CHD6: variants seen among roughly 807,000 people sequenced by gnomAD.
CHD6 encodes the protein ATP-dependent chromatin remodeler CHD6.
Under a neutral mutation model 276.9 loss-of-function variants are expected in CHD6, and 50 were observed. The observed-to-expected ratio is 0.18, with a 90% CI of 0.14 to 0.23. The LOEUF (loss-of-function observed/expected upper bound fraction) is 0.23. Ranked by LOEUF, CHD6 falls within the 10% of genes least tolerant of loss-of-function variation. The probability of loss-of-function intolerance (pLI) is 1.00; values close to 1 mark genes in which losing one functional copy is unlikely to be tolerated. For missense variants in CHD6, 2,564 were observed against 3,365.8 expected (o/e 0.76, Z 5.89); for synonymous variants, 1,173 against 1,229.3 (o/e 0.95, Z 0.96).
chr20:41,447,805 CA>C, intron 24 of CHD6, 76 bp downstream of exon 24: 1 of 1,038,020 alleles, frequency 9.6e-7, no homozygotes, highest in South Asian at 1.5e-5. Flanking sequence ...TAAGCACAGG[CA>C]AGTTTGGCCA....
intron 1 of CHD6, among the ~76,000 whole-genome samples, chr20:41,572,335 T>C (rs1483460875): frequency 6.6e-6 from 1 of 152,204 alleles, no homozygotes; most frequent in Non-Finnish European, 1.5e-5. Context: ...GTGTTCTGCC[T>C]ACCACATGCA....
intron 1 of CHD6, among the ~76,000 whole-genome samples, chr20:41,583,276 GC>G (rs2045559721): frequency 6.6e-6 from 1 of 151,986 alleles, no homozygotes; most frequent in South Asian, 2.1e-4. Context: ...CTTAAATGCA[GC>G]CAGAGGGAGG....
intron 16 of CHD6, among the ~76,000 whole-genome samples, chr20:41,475,866 C>T (rs533214297): frequency 6.6e-6 from 1 of 152,256 alleles, no homozygotes; most frequent in Admixed American, 6.5e-5. Flanking sequence ...CTAGGGAAAC[C>T]GTTCCCATAA....
In CHD6 at chr20:41,501,500, T is replaced by C. The variant is rs147376524; in HGVS notation, c.853-2143A>G. Among the ~76,000 whole-genome samples, 87 of 152,318 alleles carry C rather than the reference T, an allele frequency of 5.7e-4. No individual in the cohort carries two copies. In the East Asian group the frequency reaches 0.013, roughly 22 times the overall value. On this transcript the variant is annotated intron_variant, in intron 5 of 36. Coordinates refer to ENST00000373233, the MANE Select transcript of CHD6 (RefSeq NM_032221.5). ...CATGTAAATGGAATCATACAGTATG[T>C]AGTTCATTCTTTTTTAACACTGTGA...
intron 2 of CHD6, among the ~76,000 whole-genome samples, chr20:41,533,794 G>A (rs546548439): frequency 3.3e-5 from 5 of 152,252 alleles, no homozygotes; most frequent in Admixed American, 2.0e-4. Flanking sequence ...TACTAAATCA[G>A]GATCATTCAA....
intron 12 of CHD6, among the ~76,000 whole-genome samples, chr20:41,489,381 T>C (rs554849787): frequency 3.3e-5 from 5 of 152,180 alleles, no homozygotes; most frequent in South Asian, 4.1e-4. Context: ...TTTATCCTTC[T>C]CTGTCAAATC....
Position 41,413,321 on chromosome 20 carries a change from T to C in CHD6, c.7131+3A>G, listed in dbSNP as rs2046897937. 1 of 1,590,472 alleles carries C rather than the reference T, an allele frequency of 6.3e-7. No individual in the cohort carries two copies. The highest frequency in any genetic ancestry group is 1.1e-5 in the South Asian group (1 of 87,354). ...ATCTCAGGCAGTACCAACAAACACT[T>C]ACTGCCCCAAAGCCAGGAACTTCTA... On this transcript the variant is annotated splice_donor_region_variant and intron_variant, in intron 35 of 36. Transcript: ENST00000373233.
chr20:41,587,608 A>C (rs555995771), intron 1 of CHD6, among the ~76,000 whole-genome samples: 1 of 152,342 alleles, frequency 6.6e-6, no homozygotes, highest in Non-Finnish European at 1.5e-5. Flanking sequence ...GCAAAAGTAA[A>C]GTTCTCTCTG....
intron 1 of CHD6, among the ~76,000 whole-genome samples, chr20:41,554,053 G>A (rs562812592): frequency 9.2e-5 from 14 of 152,254 alleles, no homozygotes; most frequent in Non-Finnish European, 8.8e-5. Flanking sequence ...GGGAGGCTAA[G>A]GTAGGAGGAT....
At chr20:41,467,808 TAAA>T (rs11470704) in intron 17 of CHD6, among the ~76,000 whole-genome samples, 114 of 138,036 alleles carry the variant, frequency 8.3e-4, no homozygotes, top group African/African-American at 1.4e-3. Flanking sequence ...AGAAAGGAGT[TAAA>T]AAAAAAAAAA....
chr20:41,559,147 G>GAC (rs58169591), intron 1 of CHD6, among the ~76,000 whole-genome samples: 13,533 of 148,156 alleles, frequency 0.091, 606 homozygotes, highest in Admixed American at 0.13. Flanking sequence ...GCCTGTTCCT[G>GAC]ACACACACAC....
chr20:41,449,446 G>A (rs2048170351), intron 23 of CHD6, among the ~76,000 whole-genome samples: 2 of 152,134 alleles, frequency 1.3e-5, no homozygotes, highest in Non-Finnish European at 1.5e-5. Context: ...ATGTGTTGAC[G>A]TCTAACAATA....
intron 17 of CHD6, among the ~76,000 whole-genome samples, chr20:41,469,256 C>T (rs1460073755): frequency 1.3e-5 from 2 of 152,154 alleles, no homozygotes; most frequent in African/African-American, 4.8e-5. Context: ...TGAATTCTGC[C>T]TTCAGGGACC....
At chr20:41,468,292 T>C (rs1046845797) in intron 17 of CHD6, among the ~76,000 whole-genome samples, 4 of 152,086 alleles carry the variant, frequency 2.6e-5, no homozygotes, top group Non-Finnish European at 4.4e-5. Flanking sequence ...GTATTTTTAG[T>C]AGAGACAGCA....
intron 1 of CHD6, among the ~76,000 whole-genome samples, chr20:41,603,123 T>A (rs2045790087): frequency 6.6e-6 from 1 of 151,000 alleles, no homozygotes; most frequent in Non-Finnish European, 1.5e-5. Context: ...GAGGCCAAGG[T>A]GGGTGGATCA....
At chr20:41,586,577 G>T (rs2045597635) in intron 1 of CHD6, among the ~76,000 whole-genome samples, 1 of 152,170 alleles carries the variant, frequency 6.6e-6, no homozygotes, top group Non-Finnish European at 1.5e-5. Context: ...CTTGGGAGCG[G>T]CCCACCACCA....
At chr20:41,425,142 G>C (rs766169875) in intron 29 of CHD6, 36 bp downstream of exon 29, 2 of 1,558,480 alleles carry the variant, frequency 1.3e-6, no homozygotes, top group Non-Finnish European at 1.8e-6. Flanking sequence ...TACCCAGTGG[G>C]TGGCTGAGCA....
intron 1 of CHD6, chr20:41,564,267 CAAAA>C: frequency 1.7e-6 from 1 of 575,980 alleles, no homozygotes; most frequent in Non-Finnish European, 3.1e-6. Flanking sequence ...TCCCGTTTTC[CAAAA>C]CAGCATATAA....
chr20:41,519,987 A>C lies in CHD6; in HGVS notation c.555-5035T>G, dbSNP rs1002939028. Among the ~76,000 whole-genome samples the C allele has an allele frequency of 7.2e-5, 11 of 152,352 alleles. 1 individual carries two copies. The highest frequency in any genetic ancestry group is 2.4e-4 in the African/African-American group (10 of 41,584). ...CAAAACAAATTTGTAAGAAAAAAAC[A>C]ACCCCATCAAAAAATGGGTGAAGGA... On this transcript the variant is annotated intron_variant, in intron 3 of 36. Transcript: ENST00000373233.
Sources: gnomAD v4.1 joint callset for allele counts (sites outside exome capture counted in the v4.1 genomes callset) on GRCh38, gnomAD v4.1.1 for gene constraint, MANE v1.5 for transcripts, NCBI Gene and HGNC (gene_info 2026-07-23, HGNC 2026-07-21) for gene names.